MDGA2: variants seen among roughly 807,000 people sequenced by gnomAD.
MDGA2 encodes the protein MAM domain containing glycosylphosphatidylinositol anchor 2, also known as MAM domain-containing glycosylphosphatidylinositol anchor protein 2.
In MDGA2, 40 loss-of-function variants were observed where a neutral mutation model predicts 117.8. The observed-to-expected ratio is 0.34, with a 90% CI of 0.26 to 0.44. The LOEUF (loss-of-function observed/expected upper bound fraction) is 0.44, where lower values mean the gene tolerates loss of function less well. Among genes scored for constraint, MDGA2 ranks in the 20% least tolerant of loss-of-function variants. The pLI, the probability that MDGA2 is intolerant of heterozygous loss-of-function variation, is 1.00. For missense variants in MDGA2, 1,123 were observed against 1,250.6 expected, an observed-to-expected ratio of 0.90 and a Z score of 1.54; for synonymous variants, 452 against 439.0, an observed-to-expected ratio of 1.03 and a Z score of -0.37.
chr14:46,928,674 A>C (rs1884423427), intron 9 of MDGA2, among the ~76,000 whole-genome samples: 1 of 152,078 alleles, frequency 6.6e-6, no homozygotes, highest in Admixed American at 6.6e-5. Context: ...GATCCCATAA[A>C]CTAAAATACT....
At chr14:47,387,711 T>C (rs1352543962) in intron 1 of MDGA2, among the ~76,000 whole-genome samples, 1 of 152,266 alleles carries the variant, frequency 6.6e-6, no homozygotes, top group South Asian at 2.1e-4. Flanking sequence ...TATTTATACT[T>C]TAAATATCCA....
At position 47,485,578 on chromosome 14, in the gene MDGA2, G is replaced by A. The variant is rs140422979; in HGVS notation, c.281-184028C>T. ...TAATCCCCAAGACAATGGAGGAAAT[G>A]TCTCCAGGGCATGTCACAGGTCTTC... On this transcript the variant is annotated intron_variant, in intron 1 of 16. Coordinates refer to ENST00000399232, the MANE Select transcript of MDGA2 (RefSeq NM_001113498.3). 4.5e-4 allele frequency among the ~76,000 whole-genome samples: 68 copies of A among 152,286 alleles called. No individual in the cohort carries two copies. In the East Asian group the frequency reaches 0.012, roughly 27 times the overall value.
Position 47,079,727 on chromosome 14 carries a change from A to ATTTTTTTTTTTTTTTTT in MDGA2, c.1195+17110_1195+17126dup, listed in dbSNP as rs35801678. On this transcript the variant is annotated intron_variant, in intron 6 of 16. Coordinates refer to ENST00000399232, the MANE Select transcript of MDGA2 (RefSeq NM_001113498.3). ...ATTTGTTTCAGCCGATTTTCTACTA[A>ATTTTTTTTTTTTTTTTT]TTTTTTTTTTTTTTTTTTTTTTGAG... 3.1e-4 allele frequency among the ~76,000 whole-genome samples: 25 copies of ATTTTTTTTTTTTTTTTT among 80,070 alleles called. 3 individuals carry two copies. Among genetic ancestry groups the ATTTTTTTTTTTTTTTTT allele is most frequent in the East Asian group, 1.0e-3 (2 of 1,916 alleles). The allele number at this position is 80,070 out of a possible 152,430, so 52.5% of individuals were successfully genotyped here. A position where few individuals can be genotyped will look rare whatever the true frequency, so the allele number is the denominator to read the frequency against.
intron 2 of MDGA2, among the ~76,000 whole-genome samples, chr14:47,219,899 G>A (rs1886238004): frequency 6.6e-6 from 1 of 151,980 alleles, no homozygotes; most frequent in Non-Finnish European, 1.5e-5. Flanking sequence ...CTCTGTAAAT[G>A]GGACTGGGAG....
chr14:46,918,569 C>T (rs995251710), intron 10 of MDGA2, among the ~76,000 whole-genome samples: 1 of 151,966 alleles, frequency 6.6e-6, no homozygotes, highest in African/African-American at 2.4e-5. Context: ...ACCTACAGTC[C>T]TTTTTCAATG....
At chr14:47,554,335 T>C (rs1417785037) in intron 1 of MDGA2, among the ~76,000 whole-genome samples, 1 of 152,260 alleles carries the variant, frequency 6.6e-6, no homozygotes. Flanking sequence ...AATGCATGTT[T>C]GTTCGTTTTC....
intron 5 of MDGA2, among the ~76,000 whole-genome samples, chr14:47,103,733 T>C (rs1880472337): frequency 6.6e-6 from 1 of 152,210 alleles, no homozygotes; most frequent in Non-Finnish European, 1.5e-5. Flanking sequence ...CATATGACCA[T>C]GGATCCTAAA....
At chr14:46,891,210 T>A (rs1468938246) in intron 10 of MDGA2, among the ~76,000 whole-genome samples, 1 of 151,936 alleles carries the variant, frequency 6.6e-6, no homozygotes, top group Admixed American at 6.6e-5. Context: ...CCCAAGCAAA[T>A]CAATGAAATA....
At position 47,509,590 on chromosome 14, in the gene MDGA2, T is replaced by TG. The variant is rs533863234; in HGVS notation, c.280+164926dup. Among the ~76,000 whole-genome samples, 364 of 151,986 alleles carry TG rather than the reference T, an allele frequency of 2.4e-3. 2 individuals carry two copies. The highest frequency in any genetic ancestry group is 8.5e-3 in the African/African-American group (354 of 41,454). On this transcript the variant is annotated intron_variant, in intron 1 of 16. Transcript: ENST00000399232. ...GGACCTAGACAGAGAGCCACTGGGG[T>TG]GGGGGGCCTTCCTACCAAGCCATGT... is the stretch of plus-strand genomic sequence containing the variant.
chr14:47,177,351 C>T (rs1396617474), intron 3 of MDGA2, among the ~76,000 whole-genome samples: 6 of 152,226 alleles, frequency 3.9e-5, no homozygotes, highest in African/African-American at 9.6e-5. Flanking sequence ...CACATGCACA[C>T]GTATGTTTAC....
intron 1 of MDGA2, among the ~76,000 whole-genome samples, chr14:47,318,704 G>A (rs945970955): frequency 4.0e-5 from 6 of 149,412 alleles, no homozygotes; most frequent in East Asian, 2.0e-4. Context: ...AACGCTTACC[G>A]AATGAATTAA....
intron 2 of MDGA2, among the ~76,000 whole-genome samples, chr14:47,281,961 A>G (rs1888505528): frequency 6.6e-6 from 1 of 151,530 alleles, no homozygotes; most frequent in African/African-American, 2.4e-5. Context: ...AGGCTGAGGC[A>G]CAAGAATCGC....
chr14:47,015,359 C>A (rs1448022128), intron 8 of MDGA2, among the ~76,000 whole-genome samples: 1 of 147,270 alleles, frequency 6.8e-6, no homozygotes. Context: ...TTGCTGGAAA[C>A]GAACCTTCAA....
chr14:47,418,504 C>CT (rs1184254445), intron 1 of MDGA2, among the ~76,000 whole-genome samples: 1 of 152,162 alleles, frequency 6.6e-6, no homozygotes, highest in Non-Finnish European at 1.5e-5. Context: ...TATGTCCTCA[C>CT]TTAGTGGAAG....
At chr14:47,406,399 T>C (rs542689110) in intron 1 of MDGA2, among the ~76,000 whole-genome samples, 1 of 152,196 alleles carries the variant, frequency 6.6e-6, no homozygotes, top group Admixed American at 6.5e-5. Flanking sequence ...ATGGTAACTA[T>C]GTACTTAATT....
chr14:47,139,414 A>G (rs1882606648), intron 4 of MDGA2, among the ~76,000 whole-genome samples: 1 of 152,016 alleles, frequency 6.6e-6, no homozygotes. Context: ...TTTTTATTTT[A>G]TATCATAATT....
chr14:47,651,224 G>A, intron 1 of MDGA2, among the ~76,000 whole-genome samples: 1 of 148,380 alleles, frequency 6.7e-6, no homozygotes, highest in Non-Finnish European at 1.5e-5. Context: ...GTGTGTGTGT[G>A]TGTGTGTGTG....
intron 2 of MDGA2, among the ~76,000 whole-genome samples, chr14:47,226,789 T>G (rs905268363): frequency 6.6e-6 from 1 of 152,148 alleles, no homozygotes; most frequent in East Asian, 1.9e-4. Context: ...ATGTTATTGT[T>G]CCATCCTCTG....
chr14:47,240,724 C>CA (rs1003538434), intron 2 of MDGA2, among the ~76,000 whole-genome samples: 1 of 151,710 alleles, frequency 6.6e-6, no homozygotes, highest in African/African-American at 2.4e-5. Flanking sequence ...GGGGTTTTAG[C>CA]AAAAAATACA....
Sources: gnomAD v4.1 joint callset for allele counts (sites outside exome capture counted in the v4.1 genomes callset) on GRCh38, gnomAD v4.1.1 for gene constraint, MANE v1.5 for transcripts, NCBI Gene and HGNC (gene_info 2026-07-23, HGNC 2026-07-21) for gene names.